Variants in LHX8 observed in about 807,000 individuals in gnomAD.
LHX8 encodes LIM homeobox 8.
Under a neutral mutation model 40.3 loss-of-function variants are expected in LHX8, and 12 were observed. The ratio of observed to expected loss-of-function variants is 0.30; its 90% CI spans 0.19 to 0.48. The LOEUF (loss-of-function observed/expected upper bound fraction) is 0.48. Ranked by LOEUF, LHX8 falls within the 20% of genes least tolerant of loss-of-function variation. The pLI is 0.99. For missense variants in LHX8, 344 were observed against 433.7 expected (o/e 0.79, Z 1.84); for synonymous variants, 179 against 162.0 (o/e 1.10, Z -0.80).
the LHX8 span, among the ~76,000 whole-genome samples, chr1:75,180,131 T>G: frequency 6.6e-6 from 1 of 152,288 alleles, no homozygotes; most frequent in African/African-American, 2.4e-5. Context: ...CATTTTTTCC[T>G]TCATTTCAAC....
At chr1:75,177,475 T>C in the LHX8 span, among the ~76,000 whole-genome samples, 1 of 152,234 alleles carries the variant, frequency 6.6e-6, no homozygotes. Context: ...GCTCTTTGTT[T>C]GTCTATTATT....
At chr1:75,137,500 C>T (rs954787544) in intron 3 of LHX8, among the ~76,000 whole-genome samples, 4 of 152,290 alleles carry the variant, frequency 2.6e-5, no homozygotes, top group Admixed American at 2.6e-4. Flanking sequence ...CTGGTCTGGA[C>T]GCGCCGGATG....
chr1:75,183,861 G>T, the LHX8 span, among the ~76,000 whole-genome samples: 2 of 152,178 alleles, frequency 1.3e-5, no homozygotes, highest in African/African-American at 4.8e-5. Context: ...AGACCCAGCA[G>T]TATGCTGTTT....
At chr1:75,158,024 C>G (rs1006483125) in intron 8 of LHX8, among the ~76,000 whole-genome samples, 2 of 152,150 alleles carry the variant, frequency 1.3e-5, no homozygotes, top group Non-Finnish European at 2.9e-5. Flanking sequence ...ACACCTTGAC[C>G]AGCAGCAAGG....
chr1:75,177,029 C>A, the LHX8 span, among the ~76,000 whole-genome samples: 1 of 152,088 alleles, frequency 6.6e-6, no homozygotes, highest in African/African-American at 2.4e-5. Context: ...TTCCATTGGT[C>A]TATATCTCTG....
the LHX8 span, among the ~76,000 whole-genome samples, chr1:75,182,767 G>T: frequency 6.6e-6 from 1 of 152,182 alleles, no homozygotes; most frequent in Non-Finnish European, 1.5e-5. Context: ...CTCTAGGTTT[G>T]TTCTTTTTGC....
At chr1:75,160,745 T>G in intron 8 of LHX8, 74 bp from the exon 9 acceptor site, 1 of 969,414 alleles carries the variant, frequency 1.0e-6, no homozygotes, top group Non-Finnish European at 1.7e-6. Context: ...ATGCCTTGGA[T>G]TGTTTTTGTT....
At chr1:75,131,620 G>A (rs1238993270), upstream of LHX8, 2 of 152,252 alleles carry the variant, frequency 1.3e-5, no homozygotes, top group African/African-American at 2.4e-5. Flanking sequence ...GCAGCTCTTC[G>A]GGTGAGTGGA....
intron 8 of LHX8, chr1:75,159,764 A>C (rs1648865937): frequency 6.6e-6 from 1 of 152,174 alleles, no homozygotes; most frequent in Non-Finnish European, 1.5e-5. Flanking sequence ...TGAGTAACTA[A>C]AAATAATTTG....
chr1:75,185,352 A>G, the LHX8 span, among the ~76,000 whole-genome samples: 3 of 152,172 alleles, frequency 2.0e-5, no homozygotes, highest in African/African-American at 7.2e-5. Flanking sequence ...AAAAATCCTC[A>G]ACAAAATACT....
upstream of LHX8, chr1:75,132,265 G>GTC (rs1647993909): frequency 6.6e-6 from 1 of 152,306 alleles, no homozygotes; most frequent in Admixed American, 6.5e-5. Context: ...GATCAGCCCT[G>GTC]GGATTCATAG....
intron 1 of LHX8, 133 bp from the exon 2 acceptor site, chr1:75,136,470 G>C: frequency 1.7e-6 from 1 of 584,430 alleles, no homozygotes; most frequent in Non-Finnish European, 2.8e-6. Context: ...CTCAGGCGCC[G>C]TGACGGCTGC....
At chr1:75,197,112 T>C in the LHX8 span, among the ~76,000 whole-genome samples, 2 of 152,200 alleles carry the variant, frequency 1.3e-5, no homozygotes, top group Admixed American at 1.3e-4. Flanking sequence ...ATAAAAAGGG[T>C]AAATTTAACA....
intron 4 of LHX8, among the ~76,000 whole-genome samples, chr1:75,141,567 C>G (rs1297698431): frequency 6.6e-6 from 1 of 152,082 alleles, no homozygotes; most frequent in Non-Finnish European, 1.5e-5. Flanking sequence ...GGTTTGTACA[C>G]CATGATAAAC....
Position 75,134,919 on chromosome 1 carries a change from G to T in LHX8, c.-48G>T. On this transcript the variant is annotated 5_prime_UTR_variant, in exon 1 of 9. Coordinates refer to ENST00000356261, the MANE Select transcript of LHX8 (RefSeq NM_001256114.2). ...GAGACATGGAGACTGTAATTTGGGA[G>T]ATGAAGCCTCGAGCCTAAGGCGCTC... The T allele has an allele frequency of 1.0e-6, 1 of 985,404 alleles. No homozygotes were observed. Among genetic ancestry groups the T allele is most frequent in the Non-Finnish European group, 1.2e-6 (1 of 829,958 alleles). The allele number at this position is 985,404 out of a possible 1,614,324, so 61.0% of individuals were successfully genotyped here.
At chr1:75,185,254 A>G in the LHX8 span, among the ~76,000 whole-genome samples, 1 of 152,146 alleles carries the variant, frequency 6.6e-6, no homozygotes, top group African/African-American at 2.4e-5. Context: ...ATCTCATATG[A>G]GGCCAACATC....
At position 75,155,230 on chromosome 1, in the gene LHX8, C is replaced by CTTTTTT. The variant is rs57009636; in HGVS notation, c.781-1646_781-1641dup. Among the ~76,000 whole-genome samples the CTTTTTT allele has an allele frequency of 5.5e-4, 52 of 94,372 alleles. 1 individual carries two copies. The highest frequency in any genetic ancestry group is 2.6e-3 in the East Asian group (7 of 2,650). 61.9% of individuals were successfully genotyped at this position (94,372 alleles called of 152,430 possible). A position where few individuals can be genotyped will look rare whatever the true frequency, so the allele number is the denominator to read the frequency against. On this transcript the variant is annotated intron_variant, in intron 7 of 8. Coordinates refer to ENST00000356261, the MANE Select transcript of LHX8 (RefSeq NM_001256114.2). ...CAGTATTTTAATGAAGAAACACTCT[C>CTTTTTT]TTTTTTTTTTTTTTTTTTTTTTGAG...
chr1:75,183,596 A>C, the LHX8 span, among the ~76,000 whole-genome samples: 1 of 152,356 alleles, frequency 6.6e-6, no homozygotes, highest in East Asian at 1.9e-4. Context: ...TGTTACCACT[A>C]GACCTGCCTG....
chr1:75,184,065 CAAG>C, the LHX8 span, among the ~76,000 whole-genome samples: 2 of 152,158 alleles, frequency 1.3e-5, no homozygotes, highest in Admixed American at 1.3e-4. Flanking sequence ...TGCAATTCAA[CAAG>C]AAGACCTAAC....
Sources: allele counts gnomAD v4.1 joint callset (sites outside exome capture counted in the v4.1 genomes callset), GRCh38; gene constraint gnomAD v4.1.1; transcripts MANE v1.5; gene names NCBI Gene and HGNC (gene_info 2026-07-23, HGNC 2026-07-21).